The following IFIH1 variants were observed in gnomAD, a reference collection of about 807,000 sequenced individuals.
IFIH1 encodes interferon-induced helicase C domain-containing protein 1.
Under a neutral mutation model 107.4 loss-of-function variants are expected in IFIH1, and 125 were observed. That is an observed-to-expected ratio of 1.16 (90% CI 1.01 to 1.35). IFIH1 has a LOEUF of 1.35. Ranked by LOEUF, IFIH1 falls within the 40% of genes most tolerant of loss-of-function variation. IFIH1 has a pLI of 0.00. For synonymous variants in IFIH1, 458 were observed against 413.2 expected (o/e 1.11, Z -1.31); for missense variants, 1,333 against 1,213.7 (o/e 1.10, Z -1.46).
At chr2:162,284,479 A>G (rs149687582) in intron 5 of IFIH1, among the ~76,000 whole-genome samples, 2 of 152,116 alleles carry the variant, frequency 1.3e-5, no homozygotes, top group Non-Finnish European at 2.9e-5. Context: ...TATTGTCAGT[A>G]CTAAAACTTC....
At chr2:162,284,510 T>A (rs932397360) in intron 5 of IFIH1, among the ~76,000 whole-genome samples, 1 of 151,936 alleles carries the variant, frequency 6.6e-6, no homozygotes, top group South Asian at 2.1e-4. Context: ...CACCAATCCT[T>A]TTATTCTAGA....
chr2:162,293,754 C>A, intron 3 of IFIH1, 86 bp from the exon 4 acceptor site: 1 of 747,626 alleles, frequency 1.3e-6, no homozygotes. Context: ...GCACACAGTA[C>A]ATACAGTTCA....
chr2:162,296,922 G>A (rs1025397524), intron 3 of IFIH1, among the ~76,000 whole-genome samples: 6 of 151,992 alleles, frequency 3.9e-5, no homozygotes, highest in African/African-American at 1.5e-4. Context: ...TATGGAGCTC[G>A]ATTTCTTTGT....
rs1263543013 is a variant in IFIH1 at position 162,314,432 on chromosome 2, C to CT, written c.453+3422dup. 1.4e-4 allele frequency among the ~76,000 whole-genome samples: 12 copies of CT among 88,076 alleles called. 2 individuals carry two copies. Among genetic ancestry groups the CT allele is most frequent in the African/African-American group, 6.4e-4 (10 of 15,648 alleles). The allele number at this position is 88,076 out of a possible 152,430, so 57.8% of individuals were successfully genotyped here. The stretch of plus-strand genomic sequence containing the variant: ...CTTTCTTTCTTTTCTTTCTTTCTTT[C>CT]TTTCTTTCTTTCTTTCTTTCTTTCT... On this transcript the variant is annotated intron_variant, in intron 1 of 15. Transcript: ENST00000649979.
chr2:162,288,330 T>G lies in IFIH1; in HGVS notation c.900A>C (p.Ala300=). Residue 300 remains alanine, a synonymous_variant, in exon 5 of 16, where the codon GCA becomes GCC. Coordinates refer to ENST00000649979, the MANE Select transcript of IFIH1 (RefSeq NM_022168.4). The part of the protein sequence containing the change: ...DSDEENVAAR[A]SPEPELQLRP... ...TGAGCTGGAGTTCTGGCTCCGGGGA[T>G]GCTCTTGCTGCCACATTCTCTTCAT... is the stretch of plus-strand genomic sequence containing the variant. 3 of 1,612,540 alleles carry G rather than the reference T, an allele frequency of 1.9e-6. No homozygotes were observed. Among genetic ancestry groups the G allele is most frequent in the Non-Finnish European group, 2.5e-6 (3 of 1,179,090 alleles).
intron 12 of IFIH1, 89 bp downstream of exon 12, chr2:162,273,706 T>A: frequency 1.0e-6 from 1 of 967,550 alleles, no homozygotes; most frequent in Non-Finnish European, 1.5e-6. Flanking sequence ...ACTAAAAAGA[T>A]GTTTTTGCTG....
Position 162,282,518 on chromosome 2 carries a change from T to C in IFIH1, c.1154A>G (p.Tyr385Cys). The change falls in exon 6 of 16, where the codon TAT becomes TGT. Residue 385 changes from tyrosine to cysteine, a missense_variant. Tyr to Cys is a radical substitution (Grantham distance 194). Transcript: ENST00000649979. ...KEFQPFLKKW[Y>C]RVIGLSGDTQ... ...ATCACCACTTAATCCAATAACACGA[T>C]ACCATTTCTTCAAAAATGGTTGGAA... 2 of 1,611,664 alleles carry C rather than the reference T, an allele frequency of 1.2e-6. No homozygotes were observed. Among genetic ancestry groups the C allele is most frequent in the Non-Finnish European group, 1.7e-6 (2 of 1,178,578 alleles).
intron 8 of IFIH1, 49 bp from the exon 9 acceptor site, chr2:162,278,377 A>C (rs1467126431): frequency 1.1e-6 from 1 of 932,972 alleles, no homozygotes. Context: ...TTGTTAAAGG[A>C]ATAACATTAT....
In IFIH1 at chr2:162,276,785, G is replaced by A. The variant is rs1357915407; in HGVS notation, c.2206C>T (p.Gln736Ter). 6.2e-7 allele frequency: 1 copy of A among 1,613,840 alleles called. No homozygotes were observed. The highest frequency in any genetic ancestry group is 8.5e-7 in the Non-Finnish European group (1 of 1,179,918). Residue 736 changes from glutamine to a stop codon, truncating the protein, a stop_gained, in exon 11 of 16, where the codon CAG becomes TAG. Coordinates refer to ENST00000649979, the MANE Select transcript of IFIH1 (RefSeq NM_022168.4). LOFTEE classifies it high-confidence loss of function. ...AATTTTTCATTTTCAGTAATCCACTGGGAAAGCGCATATGCACTCTGTCGT... is the reference window on the plus strand; with the variant it reads ...AATTTTTCATTTTCAGTAATCCACTAGGAAAGCGCATATGCACTCTGTCGT... ...KTRQSAYALS[Q>*]WITENEKFAE...
Position 162,268,376 on chromosome 2 carries a change from AAT to A in IFIH1, c.2617-101_2617-100del, listed in dbSNP as rs1690966224. ...GAAATTTGGAGGTCTTAGTTGTGAA[AAT>A]ATACCCTTAGCTTATGGTCTAGGAA... On this transcript the variant is annotated intron_variant, in intron 13 of 15. Coordinates refer to ENST00000649979, the MANE Select transcript of IFIH1 (RefSeq NM_022168.4). 4.2e-6 allele frequency: 3 copies of A among 710,126 alleles called. No individual in the cohort carries two copies. In the Admixed American group the frequency reaches 8.4e-5, roughly 20 times the overall value. 44.0% of individuals were successfully genotyped at this position (710,126 alleles called of 1,614,324 possible). A position where few individuals can be genotyped will look rare whatever the true frequency, so the allele number is the denominator to read the frequency against.
chr2:162,283,181 A>G (rs573000916), intron 5 of IFIH1, among the ~76,000 whole-genome samples: 6 of 152,030 alleles, frequency 3.9e-5, no homozygotes, highest in Non-Finnish European at 2.9e-5. Context: ...TTTGGATTAG[A>G]CCAGAAGCAA....
intron 3 of IFIH1, among the ~76,000 whole-genome samples, chr2:162,296,727 GA>G (rs1178338245): frequency 2.0e-5 from 3 of 152,096 alleles, no homozygotes; most frequent in Non-Finnish European, 2.9e-5. Flanking sequence ...AGAACTTAGA[GA>G]GATGATTTTG....
chr2:162,298,448 G>T (rs2105218873), intron 3 of IFIH1, among the ~76,000 whole-genome samples: 1 of 152,252 alleles, frequency 6.6e-6, no homozygotes, highest in East Asian at 1.9e-4. Flanking sequence ...TGGTGACAAG[G>T]TCTTTAGTCC....
chr2:162,267,666 G>T, intron 14 of IFIH1, 97 bp from the exon 15 acceptor site: 1 of 883,186 alleles, frequency 1.1e-6, no homozygotes, highest in Non-Finnish European at 1.9e-6. Flanking sequence ...CCGCATGCCT[G>T]CGGTATTCTA....
Position 162,318,406 on chromosome 2 carries a change from G to A in IFIH1, c.-99C>T. On this transcript the variant is annotated 5_prime_UTR_variant, in exon 1 of 16. Transcript: ENST00000649979. ...CGTGCCGCTGTCCGCTGCCCACTTA[G>A]AGAAGCAGGGTCTACCGCTCTGTGC... The A allele has an allele frequency of 1.0e-6, 1 of 969,978 alleles. No individual in the cohort carries two copies. Among genetic ancestry groups the A allele is most frequent in the Non-Finnish European group, 1.6e-6 (1 of 628,310 alleles). The allele number at this position is 969,978 out of a possible 1,614,324, so 60.1% of individuals were successfully genotyped here. A position where few individuals can be genotyped will look rare whatever the true frequency, so the allele number is the denominator to read the frequency against.
At chr2:162,267,962 G>A in intron 14 of IFIH1, 125 bp downstream of exon 14, 4 of 603,532 alleles carry the variant, frequency 6.6e-6, no homozygotes, top group Non-Finnish European at 8.3e-6. Flanking sequence ...ATATAATTGA[G>A]AGGCTAAAGG....
intron 1 of IFIH1, among the ~76,000 whole-genome samples, chr2:162,313,004 A>G (rs1683406482): frequency 6.6e-6 from 1 of 152,146 alleles, no homozygotes; most frequent in African/African-American, 2.4e-5. Flanking sequence ...TTTACTGTGG[A>G]ATCATATTTT....
chr2:162,276,506 G>A (rs771728218), intron 11 of IFIH1, among the ~76,000 whole-genome samples, 181 bp downstream of exon 11: 1 of 152,124 alleles, frequency 6.6e-6, no homozygotes, highest in Non-Finnish European at 1.5e-5. Context: ...TCAGGAGGCT[G>A]GGGCTGGAGG....
chr2:162,282,816 C>T (rs1394596699), intron 5 of IFIH1, among the ~76,000 whole-genome samples: 1 of 151,856 alleles, frequency 6.6e-6, no homozygotes, highest in Non-Finnish European at 1.5e-5. Flanking sequence ...GTTGACAACT[C>T]TGAGGAACTC....
Sources: allele counts gnomAD v4.1 joint callset (sites outside exome capture counted in the v4.1 genomes callset), GRCh38; gene constraint gnomAD v4.1.1; transcripts MANE v1.5; gene names NCBI Gene and HGNC (gene_info 2026-07-23, HGNC 2026-07-21).